RASA2: variants seen among roughly 807,000 people sequenced by gnomAD.
The protein encoded by RASA2 is ras GTPase-activating protein 2.
In RASA2, 155 loss-of-function variants were observed where a neutral mutation model predicts 118.2. The observed-to-expected ratio is 1.31, with a 90% CI of 1.15 to 1.50. The LOEUF is 1.50. RASA2 is among the 40% of genes most tolerant of loss of function. The pLI is 0.00. For synonymous variants in RASA2, 353 were observed against 349.1 expected, an observed-to-expected ratio of 1.01 and a Z score of -0.12; for missense variants, 1,016 against 1,009.6, an observed-to-expected ratio of 1.01 and a Z score of -0.09.
intron 6 of RASA2, 89 bp from the exon 7 acceptor site, chr3:141,555,751 G>C (rs1182817876): frequency 5.1e-5 from 55 of 1,077,330 alleles, no homozygotes; most frequent in Non-Finnish European, 6.6e-5. Context: ...ACTTTTAAAT[G>C]GAGGTCAGGC....
At chr3:141,579,980 C>T (rs1413802567) in intron 15 of RASA2, among the ~76,000 whole-genome samples, 1 of 146,838 alleles carries the variant, frequency 6.8e-6, no homozygotes, top group African/African-American at 2.5e-5. Flanking sequence ...CGCTTGAACC[C>T]AGAAGGTGGA....
chr3:141,551,424 A>T (rs1213216107), intron 5 of RASA2, among the ~76,000 whole-genome samples: 1 of 152,154 alleles, frequency 6.6e-6, no homozygotes, highest in Non-Finnish European at 1.5e-5. Context: ...TTCTTTCCCC[A>T]GCCTCAGATG....
chr3:141,540,865 T>C (rs1489465514), intron 5 of RASA2, among the ~76,000 whole-genome samples: 3 of 152,118 alleles, frequency 2.0e-5, no homozygotes, highest in Admixed American at 1.3e-4. Context: ...AGGATAAGGG[T>C]GTCTAACTCT....
chr3:141,560,409 T>C (rs2082714141), intron 9 of RASA2, among the ~76,000 whole-genome samples: 1 of 152,160 alleles, frequency 6.6e-6, no homozygotes, highest in Admixed American at 6.5e-5. Context: ...ACTCAGTTGT[T>C]TATGGGAACT....
In RASA2 at chr3:141,516,357, A is replaced by C; in HGVS notation, c.281A>C (p.Glu94Ala). 1 of 1,564,792 alleles carries C rather than the reference A, an allele frequency of 6.4e-7. No individual in the cohort carries two copies. The highest frequency in any genetic ancestry group is 8.6e-7 in the Non-Finnish European group (1 of 1,156,746). Residue 94 changes from glutamate (E) to alanine (A), a missense_variant, in exon 3 of 24, where the codon GAG (glutamate) becomes GCG (alanine). Glu to Ala is a moderately radical substitution (Grantham distance 107). Around this residue, in one of 2 missense-constraint regions of RASA2, gnomAD observed 896 missense variants for 836.4 expected, o/e 1.07. Coordinates refer to ENST00000286364, the MANE Select transcript of RASA2 (RefSeq NM_006506.5). ...SPFFSEEFYF[E>A]IPRTFQYLSF... ...TTTTTCAGTGAAGAATTTTACTTTG[A>C]GATTCCAAGAACTTTCCAGTATTTG...
At chr3:141,538,787 G>C (rs2082364950) in intron 4 of RASA2, among the ~76,000 whole-genome samples, 2 of 152,146 alleles carry the variant, frequency 1.3e-5, no homozygotes, top group Non-Finnish European at 2.9e-5. Flanking sequence ...CAGTCAGTGG[G>C]AGTAATGAAC....
Position 141,610,065 on chromosome 3 carries a change from AAGTG to A in RASA2, c.2519+3_2519+6del. The stretch of plus-strand genomic sequence containing the variant: ...ATCCAGTAGTGCAAAATATGGGAGC[AAGTG>A]AGTAATTTTTAAGCTATTGTAAACA... On this transcript the variant is annotated splice_donor_variant and splice_donor_region_variant and coding_sequence_variant and intron_variant, in exon 23 of 24. Coordinates refer to ENST00000286364, the MANE Select transcript of RASA2 (RefSeq NM_006506.5). LOFTEE classifies it high-confidence loss of function. 6.4e-7 allele frequency: 1 copy of A among 1,569,726 alleles called. No homozygotes were observed. Among genetic ancestry groups the A allele is most frequent in the Non-Finnish European group, 8.6e-7 (1 of 1,158,956 alleles).
At chr3:141,586,571 G>C (rs2083205783) in intron 18 of RASA2, 75 bp from the exon 19 acceptor site, 1 of 984,728 alleles carries the variant, frequency 1.0e-6, no homozygotes, top group African/African-American at 1.7e-5. Flanking sequence ...GTCATTTAAA[G>C]TTAAAGGATA....
At chr3:141,583,817 TG>T (rs2083155239) in intron 17 of RASA2, among the ~76,000 whole-genome samples, 1 of 152,176 alleles carries the variant, frequency 6.6e-6, no homozygotes, top group African/African-American at 2.4e-5. Context: ...TATTGGAATG[TG>T]GTTTGTTTTT....
chr3:141,586,022 T>G lies in RASA2; in HGVS notation c.1753-3T>G. 1.2e-6 allele frequency: 2 copies of G among 1,605,498 alleles called. No individual in the cohort carries two copies. Among genetic ancestry groups the G allele is most frequent in the Non-Finnish European group, 1.7e-6 (2 of 1,172,698 alleles). ...TGTAATATTTGCCCATTTCCCCATT[T>G]AGTTCTTGGATGAAATTTCATCTAC... On this transcript the variant is annotated splice_polypyrimidine_tract_variant and splice_region_variant and intron_variant, in intron 17 of 23. Transcript: ENST00000286364.
chr3:141,571,006 G>C lies in RASA2; in HGVS notation c.958G>C (p.Val320Leu). The C allele has an allele frequency of 6.8e-6, 11 of 1,612,334 alleles. 1 individual carries two copies. In the South Asian group the frequency reaches 1.2e-4, roughly 18 times the overall value. Residue 320 changes from valine (V) to leucine (L), a missense_variant, in exon 10 of 24, where the codon GTG (valine) becomes CTG (leucine). By Grantham distance (32) the Val-to-Leu change is conservative. This residue lies in a region of RASA2 where 896 missense variants were observed against 836.4 expected (regional missense o/e 1.07). Transcript: ENST00000286364. ...AAATATATGTTATACAGAAGACTAC[G>C]TGCTTCCTTCAGAGTACTATGGTCC... Reference protein sequence around the residue: ...RLNICYTEDYVLPSEYYGPLK... With the variant: ...RLNICYTEDYLLPSEYYGPLK...
intron 16 of RASA2, 21 bp from the exon 17 acceptor site, chr3:141,581,079 C>G (rs757788975): frequency 3.5e-5 from 52 of 1,504,084 alleles, no homozygotes; most frequent in East Asian, 3.1e-4. Flanking sequence ...ACATATAAAC[C>G]CTGTGTTTGT....
At chr3:141,568,803 G>C (rs902747599) in intron 9 of RASA2, among the ~76,000 whole-genome samples, 3 of 151,930 alleles carry the variant, frequency 2.0e-5, no homozygotes, top group African/African-American at 7.2e-5. Flanking sequence ...ATTTAATTTG[G>C]AGTTATTTCT....
intron 19 of RASA2, chr3:141,587,009 A>G (rs559035081): frequency 2.1e-6 from 1 of 472,414 alleles, no homozygotes; most frequent in African/African-American, 2.0e-5. Context: ...AATCCATAGT[A>G]ATCCATACTG....
rs2082396301 is a variant in RASA2, at chr3:141,540,912, G to A, written c.527+303G>A. On this transcript the variant is annotated intron_variant, in intron 5 of 23. Coordinates refer to ENST00000286364, the MANE Select transcript of RASA2 (RefSeq NM_006506.5). The stretch of plus-strand genomic sequence containing the variant: ...GAATTGGAAAGGCTTCCCAAAGAAG[G>A]TCCTCTAGAAATTGTCATACCACAG... Among the ~76,000 whole-genome samples the A allele has an allele frequency of 2.0e-5, 3 of 152,082 alleles. No individual in the cohort carries two copies. In the South Asian group the frequency reaches 6.2e-4, roughly 31 times the overall value.
At chr3:141,500,483 T>C (rs1437427973) in intron 1 of RASA2, among the ~76,000 whole-genome samples, 1 of 152,246 alleles carries the variant, frequency 6.6e-6, no homozygotes, top group African/African-American at 2.4e-5. Context: ...GGTTTTCTGC[T>C]ACTTTTCTAC....
At chr3:141,603,058 C>G (rs529516228) in intron 19 of RASA2, among the ~76,000 whole-genome samples, 1 of 152,302 alleles carries the variant, frequency 6.6e-6, no homozygotes, top group South Asian at 2.1e-4. Context: ...GACCATAAAT[C>G]CACAGTTCTT....
In RASA2 at chr3:141,529,677, TTTC is replaced by T. The variant is rs752449355; in HGVS notation, c.356-28_356-26del. ...AGTCTTAGGATTATACGAAGCATGT[TTTC>T]TTATATTGTTTTACTTATTTTCTGT... is the stretch of plus-strand genomic sequence containing the variant. On this transcript the variant is annotated intron_variant, in intron 3 of 23. Transcript: ENST00000286364. 4 of 1,490,884 alleles carry T rather than the reference TTTC, an allele frequency of 2.7e-6. 1 individual carries two copies. The South Asian group carries it at 4.5e-5, about 17-fold the overall frequency. 92.4% of individuals were successfully genotyped at this position (1,490,884 alleles called of 1,614,324 possible). A position where few individuals can be genotyped will look rare whatever the true frequency, so the allele number is the denominator to read the frequency against.
intron 19 of RASA2, among the ~76,000 whole-genome samples, chr3:141,594,972 A>AC (rs1477083645): frequency 6.6e-6 from 1 of 152,178 alleles, no homozygotes; most frequent in Non-Finnish European, 1.5e-5. Context: ...GAAATATATG[A>AC]CAGTAACAGC....
Sources: allele counts gnomAD v4.1 joint callset (sites outside exome capture counted in the v4.1 genomes callset), GRCh38; gene constraint gnomAD v4.1.1; regional missense constraint gnomAD v4.1.1; transcripts MANE v1.5; gene names NCBI Gene and HGNC (gene_info 2026-07-23, HGNC 2026-07-21).